HSPG2: variants seen among roughly 807,000 people sequenced by gnomAD.
HSPG2 encodes the protein basement membrane-specific heparan sulfate proteoglycan core protein.
HSPG2 carries 278 observed loss-of-function variants against 526.6 expected under a neutral mutation model. The observed-to-expected ratio is 0.53, with a 90% CI of 0.48 to 0.58. The LOEUF (loss-of-function observed/expected upper bound fraction) is 0.58, where lower values mean the gene tolerates loss of function less well. HSPG2 is among the 20% of genes least tolerant of loss of function. The probability of loss-of-function intolerance (pLI) is 0.00; values close to 1 mark genes in which losing one functional copy is unlikely to be tolerated. For missense variants in HSPG2, 5,354 were observed against 6,099.5 expected, an observed-to-expected ratio of 0.88 and a Z score of 4.07; for synonymous variants, 2,465 against 2,555.4, an observed-to-expected ratio of 0.96 and a Z score of 1.07.
chr1:21,896,254 G>A lies in HSPG2; in HGVS notation c.120C>T (p.Thr40=), dbSNP rs759803738. Reference sequence around the variant, plus strand: ...TCCAGCGCATTTGGCTTGCTGTGACGGTCTCTATGTCCTCAGGCAGAGACA... The same window carrying A: ...TCCAGCGCATTTGGCTTGCTGTGACAGTCTCTATGTCCTCAGGCAGAGACA... ...DGLSLPEDIE[T]VTASQMRWTH... Residue 40 remains threonine (T), a synonymous_variant, in exon 2 of 97, where the codon ACC becomes ACT. Coordinates refer to ENST00000374695, the MANE Select transcript of HSPG2 (RefSeq NM_005529.7). 4.3e-6 allele frequency: 7 copies of A among 1,613,738 alleles called. No homozygotes were observed. The highest frequency in any genetic ancestry group is 2.7e-5 in the African/African-American group (2 of 74,824).
At chr1:21,836,198 T>A (rs1002083611) in intron 75 of HSPG2, among the ~76,000 whole-genome samples, 6 of 152,140 alleles carry the variant, frequency 3.9e-5, no homozygotes, top group Admixed American at 6.6e-5. Flanking sequence ...TGGGGTCATT[T>A]GTGTATTTCT....
rs1228273975 is a variant in HSPG2 at position 21,836,839 on chromosome 1, G to A, written c.10318C>T (p.Leu3440=). The A allele has an allele frequency of 6.3e-7, 1 of 1,580,128 alleles. No homozygotes were observed. Among genetic ancestry groups the A allele is most frequent in the South Asian group, 1.2e-5 (1 of 86,582 alleles). The change falls in exon 75 of 97, where the codon CTG becomes TTG. Residue 3440 remains leucine (L), a synonymous_variant. Transcript: ENST00000374695. ...TCCTGCACGCTGTGACCCGGAGGCA[G>A]CTGACCCCCTTCCTTGAACCAACGG... ...QLRWFKEGGQ[L]PPGHSVQDGV...
chr1:21,837,121 C>T, intron 74 of HSPG2, 115 bp from the exon 75 acceptor site: 1 of 955,598 alleles, frequency 1.0e-6, no homozygotes, highest in Non-Finnish European at 1.6e-6. Flanking sequence ...TCCTGATAGC[C>T]TCTCTGACCA....
Position 21,855,465 on chromosome 1 carries a change from G to A in HSPG2, c.5855-19C>T. The A allele has an allele frequency of 6.2e-7, 1 of 1,612,820 alleles. No individual in the cohort carries two copies. Among genetic ancestry groups the A allele is most frequent in the South Asian group, 1.1e-5 (1 of 90,912 alleles). On this transcript the variant is annotated intron_variant, in intron 46 of 96. Transcript: ENST00000374695. ...CCGCCCCCTGCAGACAGAGTCCTGT[G>A]AGAACACGCCCTGGGCTGAGCACAC...
intron 1 of HSPG2, among the ~76,000 whole-genome samples, chr1:21,916,566 C>CAT (rs2152793754): frequency 6.6e-6 from 1 of 151,664 alleles, no homozygotes; most frequent in East Asian, 1.9e-4. Flanking sequence ...GTGGTGTGTG[C>CAT]CTGTAATCCC....
rs1306451370 is a variant in HSPG2, at chr1:21,878,484, G to T, written c.2566C>A (p.Pro856Thr). The change falls in exon 20 of 97, where the codon CCC (proline) becomes ACC (threonine). Residue 856 changes from proline to threonine, a missense_variant. Physicochemically the swap from Pro to Thr is conservative, Grantham distance 38. Transcript: ENST00000374695. Reference protein sequence around the residue: ...YTGRRCESCAPGYEGNPIQPG... With the variant: ...YTGRRCESCATGYEGNPIQPG... ...TGGATGGGGTTGCCCTCGTATCCGG[G>T]GGCACAGCTAGGGGAGAGAGGGGGC... 2 of 1,612,208 alleles carry T rather than the reference G, an allele frequency of 1.2e-6. No individual in the cohort carries two copies. The highest frequency in any genetic ancestry group is 1.3e-5 in the African/African-American group (1 of 74,992).
chr1:21,848,184 G>A lies in HSPG2; in HGVS notation c.7738-91C>T, dbSNP rs895080877. The A allele has an allele frequency of 4.8e-5, 70 of 1,453,842 alleles. No homozygotes were observed. The East Asian group carries it at 5.7e-4, about 12-fold the overall frequency. The allele number at this position is 1,453,842 out of a possible 1,614,324, so 90.1% of individuals were successfully genotyped here. A position where few individuals can be genotyped will look rare whatever the true frequency, so the allele number is the denominator to read the frequency against. On this transcript the variant is annotated intron_variant, in intron 59 of 96. Transcript: ENST00000374695. This position sits in a 1 kb window ranked among gnomAD's most constrained non-coding sequence, Gnocchi z 4.9. ...TGCTGCCGCTGCCCCTGGACTCTGGGGGCCTCCCTGCCTTGCCTCCTCAGT... is the reference window on the plus strand; with the variant it reads ...TGCTGCCGCTGCCCCTGGACTCTGGAGGCCTCCCTGCCTTGCCTCCTCAGT...
At chr1:21,843,658 T>C (rs966815388) in intron 65 of HSPG2, among the ~76,000 whole-genome samples, 16 of 152,272 alleles carry the variant, frequency 1.1e-4, no homozygotes, top group Admixed American at 5.9e-4. Context: ...CCTTTTCTTT[T>C]TTTTTTGAGA....
intron 86 of HSPG2, 47 bp from the exon 87 acceptor site, chr1:21,829,651 C>G: frequency 1.3e-6 from 2 of 1,497,266 alleles, no homozygotes; most frequent in Admixed American, 1.8e-5. Context: ...CCTGGACCCT[C>G]GGGTGGGGTC....
At chr1:21,846,633 C>T (rs758077731) in intron 62 of HSPG2, 34 bp from the exon 63 acceptor site, 54 of 1,612,912 alleles carry the variant, frequency 3.3e-5, no homozygotes, top group South Asian at 2.1e-4. Context: ...TCGGCACAGC[C>T]GTTGTCAGAT....
At chr1:21,930,114 C>G (rs1644310235) in intron 1 of HSPG2, among the ~76,000 whole-genome samples, 1 of 152,094 alleles carries the variant, frequency 6.6e-6, no homozygotes, top group Non-Finnish European at 1.5e-5. Flanking sequence ...CTCACTGATG[C>G]TGCTCCAGCC....
chr1:21,867,884 C>T (rs969477871), intron 33 of HSPG2, among the ~76,000 whole-genome samples: 3 of 152,118 alleles, frequency 2.0e-5, no homozygotes, highest in Admixed American at 2.0e-4. Context: ...TGCCTGCCAA[C>T]ACACCCGGCT....
At chr1:21,829,312 TG>T in intron 87 of HSPG2, 70 bp downstream of exon 87, 1 of 1,513,834 alleles carries the variant, frequency 6.6e-7, no homozygotes, top group Non-Finnish European at 9.2e-7. Flanking sequence ...CATGCCTCCC[TG>T]GGGCTTGAAG....
At position 21,823,433 on chromosome 1, in the gene HSPG2, TG is replaced by T; in HGVS notation, c.13058del (p.Thr4353LysfsTer63). 6.3e-7 allele frequency: 1 copy of T among 1,590,294 alleles called. No homozygotes were observed. Among genetic ancestry groups the T allele is most frequent in the Non-Finnish European group, 8.5e-7 (1 of 1,172,874 alleles). On this transcript the variant is annotated frameshift_variant, in exon 97 of 97. Coordinates refer to ENST00000374695, the MANE Select transcript of HSPG2 (RefSeq NM_005529.7). LOFTEE classifies it high-confidence loss of function. ...LTGGRFSSGITGCVKNLVLHS... is the reference protein window; with the variant it reads ...LTGGRFSSGIXGCVKNLVLHS... ...GCAGCACCAGGTTCTTGACACAGCC[TG>T]TGATGCCTGAGGAGAATCTGCCCCC...
rs971544326 is a variant in HSPG2 at position 21,850,435 on chromosome 1, G to C, written c.7222C>G (p.Arg2408Gly). Residue 2408 changes from arginine (R) to glycine (G), a missense_variant, in exon 56 of 97, where the codon CGA (arginine) becomes GGA (glycine). Physicochemically the swap from Arg to Gly is moderately radical, Grantham distance 125. Coordinates refer to ENST00000374695, the MANE Select transcript of HSPG2 (RefSeq NM_005529.7). ...AGAGGCACGGAGCTGCCCAACACTC[G>C]GCACACGTACTCGCCCGAGTCGGCG... ...SPADSGEYVCRVLGSSVPLEA... is the reference protein window; with the variant it reads ...SPADSGEYVCGVLGSSVPLEA... The C allele has an allele frequency of 1.9e-6, 3 of 1,611,716 alleles. No individual in the cohort carries two copies. Among genetic ancestry groups the C allele is most frequent in the Middle Eastern group, 1.6e-4 (1 of 6,070 alleles).
rs2097956195 is a variant in HSPG2 at position 21,823,120 on chromosome 1, CTGGCCAGCCTTGT to C, written c.*183_*195del. On this transcript the variant is annotated 3_prime_UTR_variant, in exon 97 of 97. Coordinates refer to ENST00000374695, the MANE Select transcript of HSPG2 (RefSeq NM_005529.7). ...GCCCACTCCCATCCAACCTGCCTTG[CTGGCCAGCCTTGT>C]GGCTTTGCCCAGCTGTGTGTGTGAG... 1.7e-5 allele frequency: 9 copies of C among 522,564 alleles called. No individual in the cohort carries two copies. In the South Asian group the frequency reaches 3.5e-4, roughly 20 times the overall value. 32.4% of individuals were successfully genotyped at this position (522,564 alleles called of 1,614,324 possible). A position where few individuals can be genotyped will look rare whatever the true frequency, so the allele number is the denominator to read the frequency against.
At chr1:21,922,538 G>A (rs1644068668) in intron 1 of HSPG2, among the ~76,000 whole-genome samples, 1 of 147,542 alleles carries the variant, frequency 6.8e-6, no homozygotes, top group South Asian at 2.3e-4. Context: ...TGCTAGAGAG[G>A]GTGCATCCCC....
Position 21,937,193 on chromosome 1 carries a change from G to C in HSPG2, c.25C>G (p.Leu9Val). The C allele has an allele frequency of 1.8e-6, 2 of 1,087,308 alleles. No homozygotes were observed. The highest frequency in any genetic ancestry group is 2.3e-6 in the Non-Finnish European group (2 of 885,492). The allele number at this position is 1,087,308 out of a possible 1,614,324, so 67.4% of individuals were successfully genotyped here. ...CCGTGCAGCAGCAGCGCCAGCAGCAGCGCGCCCGCCGCCCGCCACCCCATG... is the reference window on the plus strand; with the variant it reads ...CCGTGCAGCAGCAGCGCCAGCAGCACCGCGCCCGCCGCCCGCCACCCCATG... MGWRAAGA[L>V]LLALLLHGRL... The change falls in exon 1 of 97, where the codon CTG becomes GTG. Residue 9 changes from leucine (L) to valine (V), a missense_variant. Coordinates refer to ENST00000374695, the MANE Select transcript of HSPG2 (RefSeq NM_005529.7).
chr1:21,881,226 G>A (rs977026989), intron 14 of HSPG2, 113 bp downstream of exon 14: 80 of 1,266,524 alleles, frequency 6.3e-5, no homozygotes, highest in South Asian at 2.9e-4. Flanking sequence ...GGGCTGCATC[G>A]GGGCATGGTA....
Sources: gnomAD v4.1 joint callset for allele counts (sites outside exome capture counted in the v4.1 genomes callset) on GRCh38, gnomAD v4.1.1 for gene constraint, Gnocchi (gnomAD v3.1) non-coding constraint, MANE v1.5 for transcripts, NCBI Gene and HGNC (gene_info 2026-07-23, HGNC 2026-07-21) for gene names.